C2CD3: variants seen among roughly 807,000 people sequenced by gnomAD.
C2CD3 encodes the protein C2 domain-containing protein 3.
Under a neutral mutation model 234.0 loss-of-function variants are expected in C2CD3, and 148 were observed. The observed-to-expected ratio is 0.63, with a 90% CI of 0.55 to 0.72. The LOEUF (loss-of-function observed/expected upper bound fraction) is 0.72, where lower values mean the gene tolerates loss of function less well. Among genes scored for constraint, C2CD3 ranks in the 30% least tolerant of loss-of-function variants. The pLI, the probability that C2CD3 is intolerant of heterozygous loss-of-function variation, is 0.00. For missense variants in C2CD3, 2,577 were observed against 2,811.5 expected (o/e 0.92, Z 1.89); for synonymous variants, 1,000 against 1,035.4 (o/e 0.97, Z 0.66).
At position 74,118,254 on chromosome 11, in the gene C2CD3, C is replaced by T. The variant is rs574333178; in HGVS notation, c.1494G>A (p.Lys498=). 3 of 1,613,752 alleles carry T rather than the reference C, an allele frequency of 1.9e-6. No individual in the cohort carries two copies. The highest frequency in any genetic ancestry group is 2.5e-6 in the Non-Finnish European group (3 of 1,179,782). ...TATTTCTCTTGCCTGCTGACCTCTT[C>T]TTCAGCTTATGATCACTTGACTCCA... The part of the protein sequence containing the change: ...KVLESSDHKL[K]KRSAGKRNRN... The change falls in exon 9 of 33, where the codon AAG becomes AAA. Residue 498 remains lysine (K), a synonymous_variant. Transcript: ENST00000334126.
Position 74,170,763 on chromosome 11 carries a change from C to T in C2CD3, c.30G>A (p.Gly10=), listed in dbSNP as rs763745035. The T allele has an allele frequency of 9.9e-6, 16 of 1,614,094 alleles. No individual in the cohort carries two copies. Among genetic ancestry groups the T allele is most frequent in the Middle Eastern group, 1.6e-4 (1 of 6,084 alleles). Residue 10 remains glycine, a synonymous_variant, in exon 1 of 33, where the codon GGG becomes GGA. Coordinates refer to ENST00000334126, the MANE Select transcript of C2CD3 (RefSeq NM_001286577.2). MKQRKGQGS[G]GSRGRKKRGL... is the part of the protein sequence containing the mutation. ...CTCTTTTTTTGCGCCCACGGCTGCC[C>T]CCAGACCCTTGGCCTTTTCGTTGTT...
chr11:74,033,389 T>C lies in C2CD3; in HGVS notation c.6771A>G (p.Thr2257=). Residue 2257 remains threonine, a synonymous_variant, in exon 31 of 33, where the codon ACA becomes ACG. Coordinates refer to ENST00000334126, the MANE Select transcript of C2CD3 (RefSeq NM_001286577.2). ...DSSDIRQRQV[T]TGSETSTKQS... Reference sequence around the variant, plus strand: ...GCTTTGTGGACGTCTCTGATCCAGTTGTCACCTGCCTCTGCCTGATGTCAG... The same window carrying C: ...GCTTTGTGGACGTCTCTGATCCAGTCGTCACCTGCCTCTGCCTGATGTCAG... 4 of 1,536,182 alleles carry C rather than the reference T, an allele frequency of 2.6e-6. No individual in the cohort carries two copies. The highest frequency in any genetic ancestry group is 3.5e-6 in the Non-Finnish European group (4 of 1,146,910).
chr11:74,038,283 T>C (rs1952842020), intron 29 of C2CD3, among the ~76,000 whole-genome samples: 2 of 152,210 alleles, frequency 1.3e-5, no homozygotes, highest in African/African-American at 2.4e-5. Flanking sequence ...GAATGCTGGA[T>C]GGATAAAAGG....
At position 74,034,241 on chromosome 11, in the gene C2CD3, C is replaced by G; in HGVS notation, c.5919G>C (p.Leu1973Phe). ...TTCTACTCCTGGCTCGGTGAGAACT[C>G]AAAGCTGCTTGCGAATCCCTGGTGA... is the stretch of plus-strand genomic sequence containing the variant. ...QTITRDSQAA[L>F]SSHRARSRSN... Residue 1973 changes from leucine to phenylalanine, a missense_variant, in exon 31 of 33, where the codon TTG (leucine) becomes TTC (phenylalanine). Transcript: ENST00000334126. 1 of 1,536,008 alleles carries G rather than the reference C, an allele frequency of 6.5e-7. No homozygotes were observed. Among genetic ancestry groups the G allele is most frequent in the South Asian group, 1.2e-5 (1 of 84,040 alleles).
intron 12 of C2CD3, among the ~76,000 whole-genome samples, chr11:74,106,856 A>G (rs911602373): frequency 2.6e-5 from 4 of 152,236 alleles, no homozygotes; most frequent in Non-Finnish European, 4.4e-5. Context: ...AAAATTTAAT[A>G]TATCTAATGC....
At chr11:74,046,943 T>C (rs1953404570) in intron 28 of C2CD3, among the ~76,000 whole-genome samples, 1 of 152,230 alleles carries the variant, frequency 6.6e-6, no homozygotes, top group Non-Finnish European at 1.5e-5. Context: ...CTAATGTATA[T>C]AAAGTCCATA....
chr11:74,109,340 T>G (rs938413241), intron 11 of C2CD3, 188 bp from the exon 12 acceptor site: 3 of 514,640 alleles, frequency 5.8e-6, no homozygotes, highest in African/African-American at 4.0e-5. Flanking sequence ...GAGAAAACTC[T>G]GGAGATAGTA....
chr11:74,117,543 G>T (rs528064600), intron 9 of C2CD3, among the ~76,000 whole-genome samples: 130 of 151,708 alleles, frequency 8.6e-4, no homozygotes, highest in Non-Finnish European at 1.0e-3. Context: ...AAGCTATGAG[G>T]ATGCAAAGGC....
rs1385728328 is a variant in C2CD3 at position 74,170,956 on chromosome 11, A to C, written c.-164T>G. 1 of 1,478,986 alleles carries C rather than the reference A, an allele frequency of 6.8e-7. No individual in the cohort carries two copies. The highest frequency in any genetic ancestry group is 2.4e-5 in the Admixed American group (1 of 41,596). 91.6% of individuals were successfully genotyped at this position (1,478,986 alleles called of 1,614,324 possible). ...CTCTTCCTCTAACAGTCTCCGGAAA[A>C]CGGTGCGAAGAGAAGGCGCCAAGAC... On this transcript the variant is annotated 5_prime_UTR_variant, in exon 1 of 33. Transcript: ENST00000334126.
intron 32 of C2CD3, among the ~76,000 whole-genome samples, chr11:74,021,620 G>A (rs1228735965): frequency 1.3e-5 from 2 of 152,222 alleles, no homozygotes; most frequent in Non-Finnish European, 2.9e-5. Context: ...TCAAAGGAGA[G>A]AGATCAACTG....
chr11:74,121,047 C>A (rs189615295), intron 8 of C2CD3, among the ~76,000 whole-genome samples: 2 of 151,236 alleles, frequency 1.3e-5, no homozygotes, highest in Non-Finnish European at 2.9e-5. Flanking sequence ...TGGCTTGAGA[C>A]TCCAGTATGG....
At chr11:74,109,448 T>C (rs535221084) in intron 11 of C2CD3, 1 of 263,646 alleles carries the variant, frequency 3.8e-6, no homozygotes, top group African/African-American at 2.2e-5. Context: ...ATCTATATAC[T>C]TCACTGGGTT....
At chr11:74,062,842 C>G (rs931265711) in intron 24 of C2CD3, among the ~76,000 whole-genome samples, 1 of 151,558 alleles carries the variant, frequency 6.6e-6, no homozygotes, top group African/African-American at 2.4e-5. Context: ...AATCCAGGAG[C>G]TGGTTTTTTG....
chr11:74,148,085 A>G (rs1452386968), intron 3 of C2CD3, among the ~76,000 whole-genome samples: 1 of 151,608 alleles, frequency 6.6e-6, no homozygotes, highest in Admixed American at 6.6e-5. Context: ...AAATTTTACA[A>G]ATGTCTAACT....
chr11:74,051,650 A>T (rs547697248), intron 26 of C2CD3, among the ~76,000 whole-genome samples: 1 of 152,248 alleles, frequency 6.6e-6, no homozygotes, highest in South Asian at 2.1e-4. Context: ...TACAGTAAAA[A>T]TCCTGCCCCT....
At chr11:74,101,757 A>G (rs1956323961) in intron 14 of C2CD3, among the ~76,000 whole-genome samples, 1 of 152,046 alleles carries the variant, frequency 6.6e-6, no homozygotes, top group Admixed American at 6.6e-5. Flanking sequence ...AGAAGAGAAT[A>G]TTCAGGAAAG....
At chr11:74,147,602 C>T (rs1855304472) in intron 3 of C2CD3, among the ~76,000 whole-genome samples, 1 of 152,198 alleles carries the variant, frequency 6.6e-6, no homozygotes, top group South Asian at 2.1e-4. Flanking sequence ...ATCCCAGCCT[C>T]AGATCACTAG....
chr11:74,055,620 G>C (rs1371053951), intron 25 of C2CD3, among the ~76,000 whole-genome samples: 4 of 152,226 alleles, frequency 2.6e-5, no homozygotes, highest in African/African-American at 4.8e-5. Flanking sequence ...ACCTCTGAAT[G>C]CTAGCTCTGC....
intron 32 of C2CD3, among the ~76,000 whole-genome samples, chr11:74,015,034 TG>T (rs1951830128): frequency 6.6e-6 from 1 of 152,252 alleles, no homozygotes; most frequent in African/African-American, 2.4e-5. Flanking sequence ...ACCCACTTTT[TG>T]CTGGTGTTTG....
Sources: allele counts gnomAD v4.1 joint callset (sites outside exome capture counted in the v4.1 genomes callset), GRCh38; gene constraint gnomAD v4.1.1; transcripts MANE v1.5; gene names NCBI Gene and HGNC (gene_info 2026-07-23, HGNC 2026-07-21).